RYR3: variants seen among roughly 807,000 people sequenced by gnomAD.
The protein encoded by RYR3 is brain ryanodine receptor-calcium release channel.
In RYR3, 207 loss-of-function variants were observed where a neutral mutation model predicts 584.3. The ratio of observed to expected loss-of-function variants is 0.35; its 90% confidence interval spans 0.32 to 0.40. The LOEUF is 0.40. RYR3 is among the 10% of genes least tolerant of loss of function. The pLI, the probability that RYR3 is intolerant of heterozygous loss-of-function variation, is 1.00. For synonymous variants in RYR3, 2,416 were observed against 2,248.5 expected (o/e 1.07, Z -2.11); for missense variants, 5,616 against 6,089.2 (o/e 0.92, Z 2.59).
At chr15:33,425,001 G>C (rs1305321964) in intron 1 of RYR3, among the ~76,000 whole-genome samples, 1 of 152,146 alleles carries the variant, frequency 6.6e-6, no homozygotes, top group Non-Finnish European at 1.5e-5. Context: ...CCATTCCCTT[G>C]TTTTCTAACT....
chr15:33,596,601 T>C (rs1197336014), intron 16 of RYR3, among the ~76,000 whole-genome samples: 2 of 152,112 alleles, frequency 1.3e-5, no homozygotes, highest in Non-Finnish European at 2.9e-5. Context: ...ACATATAATA[T>C]ACATGGTAAT....
At chr15:33,782,737 T>A (rs1228153890) in intron 65 of RYR3, among the ~76,000 whole-genome samples, 1 of 152,216 alleles carries the variant, frequency 6.6e-6, no homozygotes, top group East Asian at 1.9e-4. Context: ...TAATTGGGCA[T>A]CTCTATTAAT....
At chr15:33,447,737 C>T (rs539430926) in intron 1 of RYR3, among the ~76,000 whole-genome samples, 2 of 152,210 alleles carry the variant, frequency 1.3e-5, no homozygotes, top group Non-Finnish European at 2.9e-5. Context: ...AATAGCCACA[C>T]ATGACTAGTG....
intron 3 of RYR3, among the ~76,000 whole-genome samples, chr15:33,522,731 A>T (rs1022913419): frequency 1.3e-5 from 2 of 152,106 alleles, no homozygotes; most frequent in Admixed American, 6.5e-5. Context: ...GTTTCATACC[A>T]GTTTCAGGGA....
chr15:33,667,315 C>T (rs2063541294), intron 36 of RYR3, among the ~76,000 whole-genome samples: 1 of 152,122 alleles, frequency 6.6e-6, no homozygotes, highest in Admixed American at 6.5e-5. Flanking sequence ...GGGGTCGTGG[C>T]CCTATAGGCA....
chr15:33,529,542 G>T (rs2054673223), intron 3 of RYR3, among the ~76,000 whole-genome samples: 1 of 152,092 alleles, frequency 6.6e-6, no homozygotes, highest in African/African-American at 2.4e-5. Context: ...TGCATAAGAG[G>T]TGTCCTTGAA....
chr15:33,400,280 C>A (rs1210370724), intron 1 of RYR3, among the ~76,000 whole-genome samples: 1 of 152,160 alleles, frequency 6.6e-6, no homozygotes, highest in East Asian at 1.9e-4. Flanking sequence ...TGATAGCACA[C>A]CTTTTCACTG....
intron 3 of RYR3, among the ~76,000 whole-genome samples, chr15:33,508,379 G>A (rs1385804162): frequency 1.3e-5 from 2 of 152,138 alleles, no homozygotes; most frequent in Non-Finnish European, 2.9e-5. Context: ...GCTGGGCGTG[G>A]TGGCTCACAC....
intron 43 of RYR3, among the ~76,000 whole-genome samples, chr15:33,710,405 G>T (rs953080119): frequency 6.9e-6 from 1 of 145,472 alleles, no homozygotes; most frequent in African/African-American, 2.6e-5. Context: ...GTGCAGTGGT[G>T]CAATCTTAGC....
intron 10 of RYR3, among the ~76,000 whole-genome samples, chr15:33,552,762 A>G (rs1567518574): frequency 6.6e-6 from 1 of 152,196 alleles, no homozygotes; most frequent in African/African-American, 2.4e-5. Context: ...TGGAGAACAC[A>G]TAACTGTCAT....
intron 4 of RYR3, among the ~76,000 whole-genome samples, chr15:33,532,845 G>A (rs1429562911): frequency 1.3e-5 from 2 of 152,162 alleles, no homozygotes; most frequent in African/African-American, 4.8e-5. Flanking sequence ...CTGGGCATAG[G>A]GTGGTTCACA....
chr15:33,629,874 C>T, intron 21 of RYR3, 66 bp from the exon 22 acceptor site: 1 of 826,042 alleles, frequency 1.2e-6, no homozygotes, highest in South Asian at 1.6e-5. Context: ...ATGTTCTGTT[C>T]TGTTTTCCCA....
intron 98 of RYR3, chr15:33,856,650 T>TTTTTTTGTTTG (rs1555495258): frequency 3.2e-5 from 5 of 154,376 alleles, no homozygotes; most frequent in Admixed American, 2.0e-4. Flanking sequence ...CCTTTGGGTT[T>TTTTTTTGTTTG]TTTGTTTGTT....
At chr15:33,422,213 A>G (rs2044288608) in intron 1 of RYR3, among the ~76,000 whole-genome samples, 1 of 151,800 alleles carries the variant, frequency 6.6e-6, no homozygotes, top group Admixed American at 6.6e-5. Context: ...TTTTTGTTTT[A>G]TTACTTGACA....
intron 1 of RYR3, among the ~76,000 whole-genome samples, chr15:33,355,626 A>T (rs911541665): frequency 1.3e-5 from 2 of 152,236 alleles, no homozygotes; most frequent in Admixed American, 6.5e-5. Context: ...GTAATTTTAA[A>T]GAGCCTTTAA....
chr15:33,321,871 T>C (rs1969013551), intron 1 of RYR3, among the ~76,000 whole-genome samples: 1 of 152,206 alleles, frequency 6.6e-6, no homozygotes, highest in Non-Finnish European at 1.5e-5. Flanking sequence ...GGATGAGTTA[T>C]TTCATTAATG....
chr15:33,590,296 A>T (rs887137917), intron 16 of RYR3, among the ~76,000 whole-genome samples: 1 of 152,082 alleles, frequency 6.6e-6, no homozygotes, highest in African/African-American at 2.4e-5. Flanking sequence ...GTCTCAGGGG[A>T]TACGTTGGCT....
chr15:33,369,931 C>T (rs2040205017), intron 1 of RYR3, among the ~76,000 whole-genome samples: 1 of 152,180 alleles, frequency 6.6e-6, no homozygotes, highest in Admixed American at 6.5e-5. Flanking sequence ...CTTATTCATC[C>T]AAACATTCAT....
intron 38 of RYR3, among the ~76,000 whole-genome samples, chr15:33,678,140 TAA>T (rs2064313147): frequency 1.3e-5 from 2 of 152,158 alleles, no homozygotes; most frequent in African/African-American, 2.4e-5. Context: ...GGCACAGTAA[TAA>T]AGAGTCGGAC....
Sources: gnomAD v4.1 joint callset for allele counts (sites outside exome capture counted in the v4.1 genomes callset) on GRCh38, gnomAD v4.1.1 for gene constraint, MANE v1.5 for transcripts, NCBI Gene and HGNC (gene_info 2026-07-23, HGNC 2026-07-21) for gene names.